DNM3: variants seen among roughly 807,000 people sequenced by gnomAD.
DNM3 encodes the protein dynamin-3.
Under a neutral mutation model 101.6 loss-of-function variants are expected in DNM3, and 47 were observed. That is an observed-to-expected ratio of 0.46 (90% CI 0.37 to 0.59). The LOEUF (loss-of-function observed/expected upper bound fraction) is 0.59, where lower values mean the gene tolerates loss of function less well. DNM3 is among the 20% of genes least tolerant of loss of function. The probability of loss-of-function intolerance (pLI) is 0.00; values close to 1 mark genes in which losing one functional copy is unlikely to be tolerated. For synonymous variants in DNM3, 385 were observed against 387.9 expected (o/e 0.99, Z 0.09); for missense variants, 849 against 1,085.7 (o/e 0.78, Z 3.06).
intron 17 of DNM3, among the ~76,000 whole-genome samples, chr1:172,353,401 C>A (rs1360338145): frequency 2.0e-5 from 3 of 152,136 alleles, no homozygotes; most frequent in African/African-American, 7.2e-5. Flanking sequence ...TAATATGACA[C>A]ATATTAAAAG....
chr1:172,413,430 T>C (rs962257264), downstream of DNM3, among the ~76,000 whole-genome samples: 32 of 152,182 alleles, frequency 2.1e-4, no homozygotes, highest in African/African-American at 7.5e-4. Context: ...GGTTTCACCA[T>C]GTTAGCCAGG....
chr1:171,971,267 C>G (rs1391057352), intron 2 of DNM3, among the ~76,000 whole-genome samples: 2 of 151,884 alleles, frequency 1.3e-5, no homozygotes, highest in Non-Finnish European at 1.5e-5. Flanking sequence ...CTTTTCTCCT[C>G]TTGGTTTTTT....
At chr1:172,239,788 C>CTTTTATTTTCTT (rs2061674544) in intron 14 of DNM3, among the ~76,000 whole-genome samples, 6 of 42,730 alleles carry the variant, frequency 1.4e-4, no homozygotes, top group African/African-American at 4.1e-4. Context: ...CCAGCCCTGT[C>CTTTTATTTTCTT]TTTTTTTTTC....
intron 14 of DNM3, among the ~76,000 whole-genome samples, chr1:172,165,880 CTTAA>C (rs1483468296): frequency 1.3e-5 from 2 of 151,916 alleles, no homozygotes; most frequent in Non-Finnish European, 2.9e-5. Flanking sequence ...TGCCTAAAAC[CTTAA>C]TTAATTAAGG....
chr1:172,156,426 ATCT>A (rs1188597670), intron 14 of DNM3, among the ~76,000 whole-genome samples: 1 of 152,040 alleles, frequency 6.6e-6, no homozygotes. Context: ...TATTTTTGTA[ATCT>A]TCTTAGTTTT....
At chr1:171,965,651 C>T (rs74328299) in intron 2 of DNM3, among the ~76,000 whole-genome samples, 3,917 of 152,124 alleles carry the variant, frequency 0.026, 135 homozygotes, top group East Asian at 0.18. Context: ...GGGTCTGAAG[C>T]ATGAGCGCTT....
At position 172,269,339 on chromosome 1, in the gene DNM3, C is replaced by T. The variant is rs569631446; in HGVS notation, c.1769+15657C>T. Among the ~76,000 whole-genome samples the T allele has an allele frequency of 2.1e-4, 32 of 152,314 alleles. 2 individuals carry two copies. In the South Asian group the frequency reaches 6.4e-3, roughly 31 times the overall value. The stretch of plus-strand genomic sequence containing the variant: ...AAGTATTTGCTTTCCCCACTACCCT[C>T]GTCAGACAAACACTGCAGCTTGGGA... On this transcript the variant is annotated intron_variant, in intron 15 of 20. Transcript: ENST00000627582.
At chr1:172,306,334 C>T (rs2064811152) in intron 15 of DNM3, among the ~76,000 whole-genome samples, 1 of 152,122 alleles carries the variant, frequency 6.6e-6, no homozygotes, top group African/African-American at 2.4e-5. Flanking sequence ...ATGTGAAGCA[C>T]CTCTTCAAGG....
chr1:172,276,436 T>C (rs937418327), intron 15 of DNM3, among the ~76,000 whole-genome samples: 2 of 152,032 alleles, frequency 1.3e-5, no homozygotes, highest in African/African-American at 4.8e-5. Context: ...AAGTTTGAAA[T>C]GCATTATTAA....
At chr1:172,034,029 T>A (rs1482882244) in intron 6 of DNM3, among the ~76,000 whole-genome samples, 1 of 152,174 alleles carries the variant, frequency 6.6e-6, no homozygotes, top group Non-Finnish European at 1.5e-5. Flanking sequence ...CTTTAACTGT[T>A]ACATACAAAC....
rs551311788 is a variant in DNM3, at chr1:172,199,275, GTTTAGTATTAT to G, written c.1660-54295_1660-54285del. On this transcript the variant is annotated intron_variant, in intron 14 of 20. Transcript: ENST00000627582. The stretch of plus-strand genomic sequence containing the variant: ...TTATTGTAGTGTGGTTCAAGGTTGT[GTTTAGTATTAT>G]TTCAGTTCTTTTTCATTTGTAGAGG... 3.5e-3 allele frequency among the ~76,000 whole-genome samples: 530 copies of G among 152,064 alleles called. 6 individuals are homozygous for G. Among genetic ancestry groups the G allele is most frequent in the African/African-American group, 0.012 (505 of 41,540 alleles).
intron 16 of DNM3, among the ~76,000 whole-genome samples, chr1:172,319,863 C>T (rs573775175): frequency 6.6e-6 from 1 of 152,126 alleles, no homozygotes; most frequent in East Asian, 1.9e-4. Flanking sequence ...ACCATTTGAC[C>T]CAGCCATCCC....
intron 1 of DNM3, among the ~76,000 whole-genome samples, chr1:171,870,746 T>C (rs1233561210): frequency 1.3e-5 from 2 of 151,804 alleles, no homozygotes; most frequent in African/African-American, 4.8e-5. Flanking sequence ...GCTAGAAAAA[T>C]AAAATAAAAT....
intron 14 of DNM3, among the ~76,000 whole-genome samples, chr1:172,251,888 A>C (rs1211705978): frequency 6.6e-6 from 1 of 152,130 alleles, no homozygotes; most frequent in Non-Finnish European, 1.5e-5. Context: ...TATTGGATAG[A>C]TTTTCATTAG....
At chr1:171,973,151 GA>G (rs1558352655) in intron 2 of DNM3, among the ~76,000 whole-genome samples, 1 of 152,188 alleles carries the variant, frequency 6.6e-6, no homozygotes, top group Non-Finnish European at 1.5e-5. Context: ...CTGGTGGAAA[GA>G]ATGAACAGTT....
intron 14 of DNM3, among the ~76,000 whole-genome samples, chr1:172,187,372 G>A (rs1027698638): frequency 2.0e-5 from 3 of 151,972 alleles, no homozygotes. Context: ...TACAATCTTA[G>A]CATTATAATA....
At position 172,081,860 on chromosome 1, in the gene DNM3, C is replaced by G; in HGVS notation, c.1451C>G (p.Ser484Cys). ...QVLLLIDIQV[S>C]YINTNHEDFI... The stretch of plus-strand genomic sequence containing the variant: ...TTGCTATTGATTGACATTCAAGTCT[C>G]TTACATCAACACCAACCATGAAGAC... Residue 484 changes from serine to cysteine, a missense_variant, in exon 12 of 21, where the codon TCT becomes TGT. Ser to Cys is a moderately radical substitution (Grantham distance 112). Transcript: ENST00000627582. 1 of 1,612,910 alleles carries G rather than the reference C, an allele frequency of 6.2e-7. No individual in the cohort carries two copies. The highest frequency in any genetic ancestry group is 1.3e-5 in the African/African-American group (1 of 75,038).
intron 1 of DNM3, among the ~76,000 whole-genome samples, chr1:171,859,606 G>A (rs2033967827): frequency 6.6e-6 from 1 of 152,128 alleles, no homozygotes; most frequent in Admixed American, 6.6e-5. Flanking sequence ...ACTGTCTTAA[G>A]CACCAGAAAG....
intron 13 of DNM3, among the ~76,000 whole-genome samples, chr1:172,124,750 T>C (rs1368474704): frequency 6.6e-6 from 1 of 152,194 alleles, no homozygotes; most frequent in African/African-American, 2.4e-5. Context: ...CCTTCCTTCC[T>C]AGGCCTGGCT....
Sources: allele counts gnomAD v4.1 joint callset (sites outside exome capture counted in the v4.1 genomes callset), GRCh38; gene constraint gnomAD v4.1.1; transcripts MANE v1.5; gene names NCBI Gene and HGNC (gene_info 2026-07-23, HGNC 2026-07-21).